The following LRBA variants were observed in gnomAD, a reference collection of about 807,000 sequenced individuals.
LRBA encodes the protein LPS responsive beige-like anchor protein.
LRBA carries 176 observed loss-of-function variants against 330.0 expected under a neutral mutation model. That is an observed-to-expected ratio of 0.53 (90% confidence interval 0.47 to 0.60). The LOEUF (loss-of-function observed/expected upper bound fraction) is 0.60. LRBA is among the 20% of genes least tolerant of loss of function. The probability of loss-of-function intolerance (pLI) is 0.00; values close to 1 mark genes in which losing one functional copy is unlikely to be tolerated. For missense variants in LRBA, 3,259 were observed against 3,444.8 expected (o/e 0.95, Z 1.35); for synonymous variants, 1,230 against 1,193.0 (o/e 1.03, Z -0.64).
At chr4:150,681,676 G>C in intron 37 of LRBA, among the ~76,000 whole-genome samples, 1 of 152,150 alleles carries the variant, frequency 6.6e-6, no homozygotes. Context: ...CTTTCTTGTT[G>C]TTCTGAATTT....
intron 37 of LRBA, among the ~76,000 whole-genome samples, chr4:150,658,504 A>AGTCTCCTCCCTCTCC (rs1561481049): frequency 9.3e-5 from 2 of 21,560 alleles, no homozygotes; most frequent in Non-Finnish European, 5.9e-4. Flanking sequence ...AGAAAATAAA[A>AGTCTCCTCCCTCTCC]GTCTCCCTCT....
At chr4:150,300,545 G>C (rs770184834) in intron 53 of LRBA, among the ~76,000 whole-genome samples, 1 of 151,874 alleles carries the variant, frequency 6.6e-6, no homozygotes, top group Non-Finnish European at 1.5e-5. Context: ...CCTTAACTCA[G>C]TTCTGTTGTT....
At chr4:150,292,027 C>A (rs1170951394) in intron 53 of LRBA, among the ~76,000 whole-genome samples, 1 of 152,252 alleles carries the variant, frequency 6.6e-6, no homozygotes, top group East Asian at 1.9e-4. Flanking sequence ...GAACAATGGA[C>A]TTATGTTTTA....
At chr4:150,422,854 C>A (rs1339459628) in intron 46 of LRBA, 1 of 1,312,882 alleles carries the variant, frequency 7.6e-7, no homozygotes, top group East Asian at 2.3e-5. Context: ...AACTCCACCA[C>A]GTGATCCACC....
intron 2 of LRBA, among the ~76,000 whole-genome samples, chr4:150,940,073 TAAAA>T (rs567622270): frequency 6.9e-6 from 1 of 144,772 alleles, no homozygotes; most frequent in South Asian, 2.2e-4. Flanking sequence ...ATAATAAACT[TAAAA>T]AAAAAAACAA....
chr4:150,964,528 A>ACC (rs1239380348), intron 2 of LRBA, among the ~76,000 whole-genome samples: 4 of 150,502 alleles, frequency 2.7e-5, no homozygotes, highest in Non-Finnish European at 5.9e-5. Context: ...CTTACCCCCA[A>ACC]CCCCGTGCTC....
intron 30 of LRBA, among the ~76,000 whole-genome samples, chr4:150,825,103 AC>A (rs1469052507): frequency 3.3e-5 from 5 of 152,212 alleles, no homozygotes; most frequent in Admixed American, 1.3e-4. Flanking sequence ...CTCAGAAGAC[AC>A]AAAAATAAGT....
At position 150,337,411 on chromosome 4, in the gene LRBA, T is replaced by C. The variant is rs552830778; in HGVS notation, c.7363-11513A>G. ...ACTAGTAAGTCTGCAAAAGACATAA[T>C]AATGAGCAAAATACAAAGAGTAGCT... On this transcript the variant is annotated intron_variant, in intron 48 of 56. Transcript: ENST00000651943. Among the ~76,000 whole-genome samples the C allele has an allele frequency of 4.6e-5, 7 of 152,318 alleles. No individual in the cohort carries two copies. The South Asian group carries it at 1.5e-3, about 32-fold the overall frequency.
chr4:150,277,205 A>G (rs1746895191), intron 56 of LRBA, among the ~76,000 whole-genome samples: 1 of 151,224 alleles, frequency 6.6e-6, no homozygotes, highest in African/African-American at 2.4e-5. Context: ...CTTCTCACTC[A>G]TAAGTGGGAG....
chr4:150,443,184 A>T (rs1752056351), intron 44 of LRBA, among the ~76,000 whole-genome samples: 1 of 152,170 alleles, frequency 6.6e-6, no homozygotes, highest in Non-Finnish European at 1.5e-5. Context: ...CTTTTTAATG[A>T]TCGCCATTCT....
At chr4:150,563,040 TACCA>T (rs1221362332) in intron 40 of LRBA, among the ~76,000 whole-genome samples, 1 of 152,146 alleles carries the variant, frequency 6.6e-6, no homozygotes, top group Non-Finnish European at 1.5e-5. Context: ...CAAGTGATTA[TACCA>T]ACTCAGCCTC....
intron 40 of LRBA, among the ~76,000 whole-genome samples, chr4:150,525,114 A>G (rs1265825981): frequency 6.6e-6 from 1 of 152,146 alleles, no homozygotes; most frequent in Non-Finnish European, 1.5e-5. Context: ...ATGTACTGAA[A>G]ACAGACTTAC....
In LRBA at chr4:150,539,175, C is replaced by G. The variant is rs946068005; in HGVS notation, c.6331-48140G>C. Among the ~76,000 whole-genome samples the G allele has an allele frequency of 3.0e-4, 46 of 152,184 alleles. No individual in the cohort carries two copies. The South Asian group carries it at 8.7e-3, about 29-fold the overall frequency. ...ATTTTTAGTAAAGATGGGGTTTCAT[C>G]ATGTTGTTCAGGATGGTCTCAATCT... On this transcript the variant is annotated intron_variant, in intron 40 of 56. Transcript: ENST00000651943.
chr4:150,662,475 C>T (rs1483613330), intron 37 of LRBA, among the ~76,000 whole-genome samples: 1 of 152,058 alleles, frequency 6.6e-6, no homozygotes, highest in Non-Finnish European at 1.5e-5. Flanking sequence ...CAATTAAATC[C>T]CTGGGGGTGC....
At chr4:150,549,078 TCTATAA>T (rs1561334470) in intron 40 of LRBA, among the ~76,000 whole-genome samples, 4 of 152,052 alleles carry the variant, frequency 2.6e-5, no homozygotes, top group East Asian at 3.8e-4. Context: ...ATGTATTAAA[TCTATAA>T]CTATATTCTT....
chr4:150,628,260 T>C (rs1379325764), intron 37 of LRBA, among the ~76,000 whole-genome samples: 2 of 152,160 alleles, frequency 1.3e-5, no homozygotes, highest in African/African-American at 4.8e-5. Context: ...TGTCTGAATT[T>C]TTCTCCTTTT....
At chr4:150,804,568 C>T (rs941857111) in intron 33 of LRBA, among the ~76,000 whole-genome samples, 1 of 152,150 alleles carries the variant, frequency 6.6e-6, no homozygotes, top group Non-Finnish European at 1.5e-5. Context: ...CATCTCCTAG[C>T]TACTGTTAGT....
intron 51 of LRBA, among the ~76,000 whole-genome samples, chr4:150,313,840 GTA>G (rs35815992): frequency 0.098 from 13,911 of 141,760 alleles, 1,161 homozygotes; most frequent in African/African-American, 0.23. Flanking sequence ...TATATATAAT[GTA>G]TATATATATA....
At position 150,490,993 on chromosome 4, in the gene LRBA, T is replaced by A; in HGVS notation, c.6373A>T (p.Thr2125Ser). 6.2e-7 allele frequency: 1 copy of A among 1,608,476 alleles called. No individual in the cohort carries two copies. Among genetic ancestry groups the A allele is most frequent in the East Asian group, 2.2e-5 (1 of 44,760 alleles). ...CGAGAAAAGATTGATCGTATCTCTG[T>A]GAACAGCCATTTTCCATGCAGCCCT... ...TEGLHGKWLF[T>S]EIRSIFSRRY... is the part of the protein sequence containing the mutation. The change falls in exon 41 of 57, where the codon ACA (threonine) becomes TCA (serine). Residue 2125 changes from threonine to serine, a missense_variant. Thr to Ser is a moderately conservative substitution (Grantham distance 58). Transcript: ENST00000651943.
Sources: gnomAD v4.1 joint callset for allele counts (sites outside exome capture counted in the v4.1 genomes callset) on GRCh38, gnomAD v4.1.1 for gene constraint, MANE v1.5 for transcripts, NCBI Gene and HGNC (gene_info 2026-07-23, HGNC 2026-07-21) for gene names.